COL14A1: variants seen among roughly 807,000 people sequenced by gnomAD.
COL14A1 encodes the protein collagen type XIV alpha 1 chain.
In COL14A1, 136 loss-of-function variants were observed where a neutral mutation model predicts 230.3. That is an observed-to-expected ratio of 0.59 (90% CI 0.51 to 0.68). The LOEUF (loss-of-function observed/expected upper bound fraction) is 0.68. Ranked by LOEUF, COL14A1 falls within the 30% of genes least tolerant of loss-of-function variation. COL14A1 has a pLI of 0.00. For missense variants in COL14A1, 1,976 were observed against 2,215.8 expected, an observed-to-expected ratio of 0.89 and a Z score of 2.17; for synonymous variants, 792 against 784.1, an observed-to-expected ratio of 1.01 and a Z score of -0.17.
Position 120,263,000 on chromosome 8 carries a change from T to A in COL14A1, c.3002T>A (p.Ile1001Lys). The change falls in exon 24 of 48, where the codon ATA becomes AAA. Residue 1001 changes from isoleucine to lysine, a missense_variant. Ile to Lys is a moderately radical substitution (Grantham distance 102). Transcript: ENST00000297848. ...GAGATTGAAGGACCTAGTGTGAGCA[T>A]AATGGAAAAAACACGTAAGTCATGT... The part of the protein sequence containing the change: ...LQEIEGPSVS[I>K]MEKTQSLPTR... 2 of 1,605,098 alleles carry A rather than the reference T, an allele frequency of 1.2e-6. No homozygotes were observed. The highest frequency in any genetic ancestry group is 1.3e-5 in the African/African-American group (1 of 74,374).
intron 45 of COL14A1, among the ~76,000 whole-genome samples, chr8:120,358,856 A>G (rs1046917408): frequency 1.3e-5 from 2 of 152,142 alleles, no homozygotes; most frequent in Non-Finnish European, 2.9e-5. Flanking sequence ...CATGACTGTA[A>G]TAAGTTAATT....
At chr8:120,279,279 A>G (rs1819960602) in intron 28 of COL14A1, among the ~76,000 whole-genome samples, 1 of 152,096 alleles carries the variant, frequency 6.6e-6, no homozygotes, top group Non-Finnish European at 1.5e-5. Context: ...AAAAACCTGC[A>G]TCTTCAGCAC....
chr8:120,362,377 C>G (rs1199148149), intron 45 of COL14A1, among the ~76,000 whole-genome samples: 11 of 152,204 alleles, frequency 7.2e-5, no homozygotes, highest in African/African-American at 2.4e-4. Context: ...TGCTGATACA[C>G]TCTCAGGCAC....
rs192206438 is a variant in COL14A1 at position 120,196,179 on chromosome 8, C to T, written c.437-612C>T. On this transcript the variant is annotated intron_variant, in intron 5 of 47. Coordinates refer to ENST00000297848, the MANE Select transcript of COL14A1 (RefSeq NM_021110.4). The stretch of plus-strand genomic sequence containing the variant: ...GATCTTTAGGAGCAAAATTTACTGT[C>T]ACATACACATAATATGCAAAAAACA... Among the ~76,000 whole-genome samples, 19 of 152,298 alleles carry T rather than the reference C, an allele frequency of 1.2e-4. No homozygotes were observed. The East Asian group carries it at 3.7e-3, about 29-fold the overall frequency.
chr8:120,312,497 T>A (rs1821077459), intron 37 of COL14A1, among the ~76,000 whole-genome samples: 1 of 152,194 alleles, frequency 6.6e-6, no homozygotes, highest in African/African-American at 2.4e-5. Context: ...TACCACTCCG[T>A]CTTCAGCCTC....
chr8:120,310,148 A>G (rs1586851875), intron 37 of COL14A1, 86 bp downstream of exon 37: 2 of 1,379,270 alleles, frequency 1.5e-6, no homozygotes, highest in East Asian at 4.6e-5. Context: ...AATGTGACTT[A>G]TTTCACCCTT....
Position 120,333,585 on chromosome 8 carries a change from T to C in COL14A1, c.4785+850T>C, listed in dbSNP as rs550578591. Among the ~76,000 whole-genome samples, 5 of 152,376 alleles carry C rather than the reference T, an allele frequency of 3.3e-5. No homozygotes were observed. In the South Asian group the frequency reaches 8.3e-4, roughly 25 times the overall value. On this transcript the variant is annotated intron_variant, in intron 42 of 47. Coordinates refer to ENST00000297848, the MANE Select transcript of COL14A1 (RefSeq NM_021110.4). ...AATGGATGAGGATGGAAGCATCTAG[T>C]GAATTAGATTCCTGTTACCACTTAA...
intron 19 of COL14A1, among the ~76,000 whole-genome samples, chr8:120,240,078 A>G: frequency 6.6e-6 from 1 of 152,052 alleles, no homozygotes. Context: ...AGATGAAGGG[A>G]AAAAAAGATC....
intron 42 of COL14A1, among the ~76,000 whole-genome samples, chr8:120,340,767 CT>C (rs1368040764): frequency 2.0e-5 from 3 of 152,144 alleles, no homozygotes; most frequent in African/African-American, 4.8e-5. Flanking sequence ...TAAATGTGAG[CT>C]CCCATATTGG....
At chr8:120,182,733 T>G (rs975229823) in intron 5 of COL14A1, among the ~76,000 whole-genome samples, 1 of 149,296 alleles carries the variant, frequency 6.7e-6, no homozygotes, top group Admixed American at 6.6e-5. Context: ...TTCGTTTTTT[T>G]TTTTTTTTTT....
At chr8:120,349,902 C>T (rs1453265413) in intron 45 of COL14A1, among the ~76,000 whole-genome samples, 2 of 146,074 alleles carry the variant, frequency 1.4e-5, no homozygotes, top group East Asian at 4.0e-4. Flanking sequence ...AAAGATACTC[C>T]TCGAGAAGAG....
At chr8:120,222,991 C>T (rs1369099678) in intron 14 of COL14A1, among the ~76,000 whole-genome samples, 1 of 152,134 alleles carries the variant, frequency 6.6e-6, no homozygotes, top group Non-Finnish European at 1.5e-5. Context: ...GATAGTTAAG[C>T]ATAGTCATGA....
intron 9 of COL14A1, among the ~76,000 whole-genome samples, chr8:120,206,061 T>A (rs965929854): frequency 6.6e-6 from 1 of 152,224 alleles, no homozygotes; most frequent in Admixed American, 6.5e-5. Context: ...TTTCTTTTTT[T>A]AAATTTTTAG....
At chr8:120,328,375 C>A in intron 40 of COL14A1, among the ~76,000 whole-genome samples, 1 of 150,192 alleles carries the variant, frequency 6.7e-6, no homozygotes, top group African/African-American at 2.5e-5. Flanking sequence ...CACAAGCCAC[C>A]AGGCAGAGCA....
intron 5 of COL14A1, among the ~76,000 whole-genome samples, chr8:120,190,621 G>C (rs1307371425): frequency 1.3e-5 from 2 of 152,002 alleles, no homozygotes; most frequent in African/African-American, 4.8e-5. Flanking sequence ...TGGTAGAATT[G>C]CCAGCTCCTC....
intron 10 of COL14A1, among the ~76,000 whole-genome samples, chr8:120,207,311 T>G (rs905083452): frequency 2.0e-5 from 3 of 152,200 alleles, no homozygotes; most frequent in African/African-American, 4.8e-5. Context: ...TCAGAACTGG[T>G]CAGGTATGAA....
intron 2 of COL14A1, among the ~76,000 whole-genome samples, chr8:120,153,121 TCC>T (rs1357373142): frequency 3.3e-5 from 5 of 152,264 alleles, no homozygotes; most frequent in Admixed American, 3.3e-4. Flanking sequence ...ATTTAATTGC[TCC>T]GATTTATAAA....
chr8:120,168,161 T>C lies in COL14A1; in HGVS notation c.350T>C (p.Ile117Thr), dbSNP rs1815973062. 1.1e-5 allele frequency: 17 copies of C among 1,605,298 alleles called. No homozygotes were observed. The highest frequency in any genetic ancestry group is 1.7e-5 in the Admixed American group (1 of 59,474). The change falls in exon 5 of 48, where the codon ATT (isoleucine) becomes ACT (threonine). Residue 117 changes from isoleucine (I) to threonine (T), a missense_variant and splice_region_variant. Around this residue, in one of 3 missense-constraint regions of COL14A1, gnomAD observed 181 missense variants for 178.6 expected, o/e 1.01. Coordinates refer to ENST00000297848, the MANE Select transcript of COL14A1 (RefSeq NM_021110.4). The stretch of plus-strand genomic sequence containing the variant: ...TGCTGTATCTCTACTTTTCTTCCAG[T>C]TAAAGATTTAGAAAAAAGAAAGGAT... ...ESKPAQGQFR[I>T]KDLEKRKDPK...
At chr8:120,349,686 A>G (rs1822672570) in intron 45 of COL14A1, among the ~76,000 whole-genome samples, 1 of 131,840 alleles carries the variant, frequency 7.6e-6, no homozygotes, top group Non-Finnish European at 1.6e-5. Flanking sequence ...AGTTTAGAGA[A>G]AAAAGAATAA....
Sources: gnomAD v4.1 joint callset for allele counts (sites outside exome capture counted in the v4.1 genomes callset) on GRCh38, gnomAD v4.1.1 for gene constraint, gnomAD v4.1.1 regional missense constraint, MANE v1.5 for transcripts, NCBI Gene and HGNC (gene_info 2026-07-23, HGNC 2026-07-21) for gene names.